Variants in IMPG2 observed in about 807,000 individuals in gnomAD.
The protein encoded by IMPG2 is interphotoreceptor matrix proteoglycan 2, also known as IPM 200.
Under a neutral mutation model 129.2 loss-of-function variants are expected in IMPG2, and 91 were observed. The ratio of observed to expected loss-of-function variants is 0.70; its 90% CI spans 0.59 to 0.84. The LOEUF is 0.84. Among genes scored for constraint, IMPG2 ranks in the 40% least tolerant of loss-of-function variants. The probability of loss-of-function intolerance (pLI) is 0.00; values close to 1 mark genes in which losing one functional copy is unlikely to be tolerated. For synonymous variants in IMPG2, 510 were observed against 517.7 expected (o/e 0.99, Z 0.20); for missense variants, 1,430 against 1,461.7 (o/e 0.98, Z 0.35).
At chr3:101,292,841 A>G (rs113309910) in intron 3 of IMPG2, among the ~76,000 whole-genome samples, 1 of 152,204 alleles carries the variant, frequency 6.6e-6, no homozygotes. Flanking sequence ...TGTTCACAGC[A>G]TCTTTACCAG....
intron 2 of IMPG2, among the ~76,000 whole-genome samples, chr3:101,313,365 C>T (rs1350047205): frequency 6.6e-6 from 1 of 152,070 alleles, no homozygotes; most frequent in Non-Finnish European, 1.5e-5. Context: ...GGTAAAATTC[C>T]ATCACTGATA....
rs1388493381 is a variant in IMPG2, at chr3:101,223,403, T to C, written c.*3566A>G. The C allele has an allele frequency of 6.6e-6, 1 of 152,254 alleles. No individual in the cohort carries two copies. The highest frequency in any genetic ancestry group is 2.4e-5 in the African/African-American group (1 of 41,464). 9.4% of individuals were successfully genotyped at this position (152,254 alleles called of 1,614,324 possible). ...CTAAAACATCTCAATTTAATAGTTATTCTACTTCATTAGCTCTTTCATTAT... is the reference window on the plus strand; with the variant it reads ...CTAAAACATCTCAATTTAATAGTTACTCTACTTCATTAGCTCTTTCATTAT... On this transcript the variant is annotated 3_prime_UTR_variant, in exon 19 of 19. Coordinates refer to ENST00000193391, the MANE Select transcript of IMPG2 (RefSeq NM_016247.4).
At chr3:101,309,754 T>C (rs1169945314) in intron 2 of IMPG2, among the ~76,000 whole-genome samples, 1 of 152,154 alleles carries the variant, frequency 6.6e-6, no homozygotes, top group Non-Finnish European at 1.5e-5. Flanking sequence ...AAGATTTATG[T>C]TCAATGCCAG....
Position 101,236,451 on chromosome 3 carries a change from C to G in IMPG2, c.3023-3460G>C, listed in dbSNP as rs192560900. ...AACAGCTCCAGTCTGCAGCTCCCAG[C>G]GAGATCAATGCAGAAGGTGGGTGAT... On this transcript the variant is annotated intron_variant, in intron 14 of 18. Transcript: ENST00000193391. 2.6e-5 allele frequency among the ~76,000 whole-genome samples: 4 copies of G among 152,144 alleles called. No individual in the cohort carries two copies. The South Asian group carries it at 8.3e-4, about 32-fold the overall frequency.
intron 6 of IMPG2, 53 bp downstream of exon 6, chr3:101,275,610 T>C: frequency 7.6e-7 from 1 of 1,309,792 alleles, no homozygotes; most frequent in Non-Finnish European, 1.1e-6. Flanking sequence ...AACTCTCTCT[T>C]AATCTCTATG....
intron 3 of IMPG2, among the ~76,000 whole-genome samples, chr3:101,292,164 C>T (rs925689428): frequency 2.6e-4 from 39 of 152,260 alleles, no homozygotes; most frequent in African/African-American, 8.9e-4. Context: ...GCCTCAATTT[C>T]CTCATCAGTA....
chr3:101,317,665 T>C (rs1233227491), intron 2 of IMPG2, among the ~76,000 whole-genome samples: 3 of 152,192 alleles, frequency 2.0e-5, no homozygotes, highest in African/African-American at 2.4e-5. Context: ...AGCTATAATC[T>C]TGATGTGGTG....
chr3:101,297,703 G>A (rs1395828694), intron 3 of IMPG2, among the ~76,000 whole-genome samples: 2 of 152,204 alleles, frequency 1.3e-5, no homozygotes, highest in Non-Finnish European at 2.9e-5. Context: ...ATGTAACCAT[G>A]TGGTTTTGAG....
At position 101,232,957 on chromosome 3, in the gene IMPG2, A is replaced by T; in HGVS notation, c.3057T>A (p.Cys1019Ter). The change falls in exon 15 of 19, where the codon TGT becomes TGA. Residue 1019 changes from cysteine to a stop codon, truncating the protein, a stop_gained. Coordinates refer to ENST00000193391, the MANE Select transcript of IMPG2 (RefSeq NM_016247.4). LOFTEE classifies it high-confidence loss of function. ...DEANPCKFQA[C>*]NEFSECLVNP... is the part of the protein sequence containing the mutation. ...TGACCAGACACTCTGAAAATTCATT[A>T]CAGGCCTGAAACTTGCAAGGGTTGG... The T allele has an allele frequency of 6.2e-7, 1 of 1,614,090 alleles. No individual in the cohort carries two copies. Among genetic ancestry groups the T allele is most frequent in the Non-Finnish European group, 8.5e-7 (1 of 1,179,998 alleles).
At chr3:101,266,145 T>C (rs1169374035) in intron 9 of IMPG2, among the ~76,000 whole-genome samples, 1 of 151,754 alleles carries the variant, frequency 6.6e-6, no homozygotes, top group Non-Finnish European at 1.5e-5. Flanking sequence ...AATATGGAGG[T>C]TCCTCAGAGA....
intron 14 of IMPG2, among the ~76,000 whole-genome samples, chr3:101,239,893 G>A (rs986634731): frequency 6.6e-6 from 1 of 152,094 alleles, no homozygotes; most frequent in Non-Finnish European, 1.5e-5. Context: ...CACAGGGAGG[G>A]GAACATCACA....
At position 101,245,813 on chromosome 3, in the gene IMPG2, A is replaced by G; in HGVS notation, c.1532T>C (p.Leu511Ser). The change falls in exon 12 of 19, where the codon TTG becomes TCG. Residue 511 changes from leucine (L) to serine (S), a missense_variant. Coordinates refer to ENST00000193391, the MANE Select transcript of IMPG2 (RefSeq NM_016247.4). ...ASEERTSGSH[L>S]VEDGLANVEE... ...TTAAAGTTTCTCACCATCTTCTACC[A>G]AGTGAGATCCAGAAGTCCTTTCCTC... is the stretch of plus-strand genomic sequence containing the variant. The G allele has an allele frequency of 6.2e-7, 1 of 1,613,896 alleles. No individual in the cohort carries two copies. Among genetic ancestry groups the G allele is most frequent in the Non-Finnish European group, 8.5e-7 (1 of 1,179,746 alleles).
Position 101,226,975 on chromosome 3 carries a change from C to T in IMPG2, c.3720G>A (p.Glu1240=). The T allele has an allele frequency of 6.2e-7, 1 of 1,613,600 alleles. No individual in the cohort carries two copies. The highest frequency in any genetic ancestry group is 8.5e-7 in the Non-Finnish European group (1 of 1,179,778). Residue 1240 remains glutamate, a synonymous_variant, in exon 19 of 19, where the codon GAG becomes GAA. Coordinates refer to ENST00000193391, the MANE Select transcript of IMPG2 (RefSeq NM_016247.4). ...AAFVREQQVE[E]V ...TTCAGAACAGGAGTTTTGGTTAAAC[C>T]TCTTCCCTGCCATGAAAACACAAAG...
chr3:101,314,708 TATAA>T (rs1284053205), intron 2 of IMPG2, among the ~76,000 whole-genome samples: 1 of 152,070 alleles, frequency 6.6e-6, no homozygotes, highest in African/African-American at 2.4e-5. Flanking sequence ...GTAGAATCAG[TATAA>T]ATAAGATTTC....
chr3:101,268,034 C>A (rs1177093222), intron 8 of IMPG2, among the ~76,000 whole-genome samples: 1 of 152,088 alleles, frequency 6.6e-6, no homozygotes, highest in East Asian at 1.9e-4. Flanking sequence ...AGGAACTATG[C>A]TAAGCATTTT....
rs2107197729 is a variant in IMPG2, at chr3:101,224,240, C to T, written c.*2729G>A. On this transcript the variant is annotated 3_prime_UTR_variant, in exon 19 of 19. Transcript: ENST00000193391. Reference sequence around the variant, plus strand: ...ATGGTGAAAATGGAGCCCTATTTATCAAATAAATTCCCCTTTATCCATAAC... The same window carrying T: ...ATGGTGAAAATGGAGCCCTATTTATTAAATAAATTCCCCTTTATCCATAAC... 1 of 152,242 alleles carries T rather than the reference C, an allele frequency of 6.6e-6. No individual in the cohort carries two copies. The highest frequency in any genetic ancestry group is 2.1e-4 in the South Asian group (1 of 4,816). The allele number at this position is 152,242 out of a possible 1,614,324, so 9.4% of individuals were successfully genotyped here.
intron 2 of IMPG2, among the ~76,000 whole-genome samples, chr3:101,313,455 T>C (rs1042347248): frequency 6.6e-6 from 1 of 152,130 alleles, no homozygotes; most frequent in African/African-American, 2.4e-5. Context: ...TATTATAGCC[T>C]TTGGTAACTT....
At chr3:101,273,515 G>A (rs746139081) in intron 7 of IMPG2, 66 bp downstream of exon 7, 6 of 1,512,356 alleles carry the variant, frequency 4.0e-6, no homozygotes, top group Non-Finnish European at 5.5e-6. Context: ...TTTAAACAGT[G>A]TTGTGAATAT....
intron 4 of IMPG2, among the ~76,000 whole-genome samples, chr3:101,287,316 C>T (rs1207383172): frequency 2.0e-5 from 3 of 152,072 alleles, no homozygotes; most frequent in African/African-American, 7.2e-5. Context: ...CCATACTGCC[C>T]AAAGCAATTT....
Sources: allele counts gnomAD v4.1 joint callset (sites outside exome capture counted in the v4.1 genomes callset), GRCh38; gene constraint gnomAD v4.1.1; transcripts MANE v1.5; gene names NCBI Gene and HGNC (gene_info 2026-07-23, HGNC 2026-07-21).